The following RANBP2 variants were observed in gnomAD, a reference collection of about 807,000 sequenced individuals.
RANBP2 encodes RAN binding protein 2.
In RANBP2, 57 loss-of-function variants were observed where a neutral mutation model predicts 303.6. That is an observed-to-expected ratio of 0.19 (90% CI 0.15 to 0.23). The LOEUF (loss-of-function observed/expected upper bound fraction) is 0.23, where lower values mean the gene tolerates loss of function less well. RANBP2 is among the 10% of genes least tolerant of loss of function. RANBP2 has a pLI of 1.00. For missense variants in RANBP2, 3,138 were observed against 3,780.8 expected (o/e 0.83, Z 4.46); for synonymous variants, 1,167 against 1,301.5 (o/e 0.90, Z 2.23).
the RANBP2 span, among the ~76,000 whole-genome samples, chr2:108,793,547 TC>T: frequency 6.6e-6 from 1 of 152,144 alleles, no homozygotes; most frequent in Non-Finnish European, 1.5e-5. Context: ...TACCCTATGA[TC>T]TAGCAATTTT....
At chr2:109,287,086 A>T in the RANBP2 span, among the ~76,000 whole-genome samples, 1 of 152,274 alleles carries the variant, frequency 6.6e-6, no homozygotes, top group East Asian at 1.9e-4. Flanking sequence ...TGTTTCTGTG[A>T]TCTCATCTGT....
At chr2:109,681,250 A>G in the RANBP2 span, among the ~76,000 whole-genome samples, 2 of 152,244 alleles carry the variant, frequency 1.3e-5, no homozygotes, top group Non-Finnish European at 2.9e-5. Flanking sequence ...TTAGGACTCC[A>G]GAGGAGGGTT....
At chr2:108,915,661 A>T in the RANBP2 span, among the ~76,000 whole-genome samples, 1 of 152,292 alleles carries the variant, frequency 6.6e-6, no homozygotes, top group East Asian at 1.9e-4. Flanking sequence ...GCACTTTGGG[A>T]GGCCGAGGCG....
At chr2:108,932,088 A>G in the RANBP2 span, among the ~76,000 whole-genome samples, 1 of 152,176 alleles carries the variant, frequency 6.6e-6, no homozygotes, top group Non-Finnish European at 1.5e-5. Flanking sequence ...AATTCCCAAT[A>G]CCACACACAA....
chr2:109,059,026 G>A, the RANBP2 span, among the ~76,000 whole-genome samples: 3 of 152,186 alleles, frequency 2.0e-5, no homozygotes, highest in African/African-American at 4.8e-5. Context: ...TGGCCATGGA[G>A]AGAAGATCGA....
the RANBP2 span, among the ~76,000 whole-genome samples, chr2:109,219,939 A>G: frequency 1.3e-5 from 2 of 152,242 alleles, no homozygotes; most frequent in African/African-American, 4.8e-5. Flanking sequence ...TAAAATTTAT[A>G]TGGAATCTCA....
At chr2:109,002,294 A>C in the RANBP2 span, among the ~76,000 whole-genome samples, 1 of 152,136 alleles carries the variant, frequency 6.6e-6, no homozygotes, top group African/African-American at 2.4e-5. Context: ...TGGGTTCCTT[A>C]CGCTTGTGAG....
the RANBP2 span, chr2:108,791,440 G>A: frequency 1.8e-5 from 9 of 499,994 alleles, no homozygotes; most frequent in African/African-American, 1.6e-4. Context: ...GTAGGTATAT[G>A]TCATTTTAAA....
At chr2:109,533,615 C>T in the RANBP2 span, among the ~76,000 whole-genome samples, 1 of 152,100 alleles carries the variant, frequency 6.6e-6, no homozygotes, top group Admixed American at 6.5e-5. Flanking sequence ...CAACTTTTAA[C>T]AGAATAAACT....
chr2:109,301,302 A>C, the RANBP2 span, among the ~76,000 whole-genome samples: 1 of 142,312 alleles, frequency 7.0e-6, no homozygotes, highest in Non-Finnish European at 1.5e-5. Flanking sequence ...CTGTGTGTGT[A>C]TGTGGTGGGG....
the RANBP2 span, among the ~76,000 whole-genome samples, chr2:109,454,425 G>A: frequency 6.6e-6 from 1 of 152,172 alleles, no homozygotes; most frequent in South Asian, 2.1e-4. Flanking sequence ...CCTCAGGAAG[G>A]CTTGAGCACA....
Position 108,783,997 on chromosome 2 carries a change from G to T in RANBP2, c.*96G>T, listed in dbSNP as rs1021873665. 1.7e-6 allele frequency: 2 copies of T among 1,194,612 alleles called. No homozygotes were observed. Among genetic ancestry groups the T allele is most frequent in the Non-Finnish European group, 1.2e-6 (1 of 846,952 alleles). 74.0% of individuals were successfully genotyped at this position (1,194,612 alleles called of 1,614,324 possible). On this transcript the variant is annotated 3_prime_UTR_variant, in exon 29 of 29. Transcript: ENST00000283195. ...TAGTTATGTTCAGCTTTTGAAAATG[G>T]ACGTTTCCGATTTACAAATGTAAAA...
chr2:108,731,928 T>C (rs1695198197), intron 4 of RANBP2: 1 of 174,452 alleles, frequency 5.7e-6, no homozygotes, highest in South Asian at 1.3e-4. Context: ...GTTTCTCTAG[T>C]ATATAAGACG....
chr2:109,140,217 T>TGCATGTGGTTGAC, the RANBP2 span, among the ~76,000 whole-genome samples: 1 of 152,218 alleles, frequency 6.6e-6, no homozygotes, highest in African/African-American at 2.4e-5. Flanking sequence ...TGCACGTGGT[T>TGCATGTGGTTGAC]GCATGTGGTT....
At chr2:109,028,854 G>T in the RANBP2 span, among the ~76,000 whole-genome samples, 11 of 152,284 alleles carry the variant, frequency 7.2e-5, no homozygotes, top group Middle Eastern at 3.4e-3. Flanking sequence ...GATCTGTGTG[G>T]CTGTCAGGGA....
the RANBP2 span, among the ~76,000 whole-genome samples, chr2:108,913,107 C>A: frequency 6.6e-6 from 1 of 152,028 alleles, no homozygotes; most frequent in Admixed American, 6.5e-5. Context: ...CACCACCACA[C>A]CTGGCTAATT....
At chr2:109,003,845 G>A in the RANBP2 span, among the ~76,000 whole-genome samples, 1 of 152,168 alleles carries the variant, frequency 6.6e-6, no homozygotes, top group Admixed American at 6.5e-5. Context: ...CAGGGTGTGA[G>A]ATATTATATG....
chr2:109,603,286 G>C, the RANBP2 span, among the ~76,000 whole-genome samples: 25 of 151,766 alleles, frequency 1.6e-4, no homozygotes, highest in African/African-American at 6.0e-4. Flanking sequence ...CCAGGCTGGA[G>C]TGCAGTGGCG....
chr2:109,688,715 G>T, the RANBP2 span, among the ~76,000 whole-genome samples: 8 of 144,616 alleles, frequency 5.5e-5, no homozygotes, highest in East Asian at 1.1e-3. Flanking sequence ...GCAGGCGGAG[G>T]TTGCAGTGAG....
Sources: allele counts gnomAD v4.1 joint callset (sites outside exome capture counted in the v4.1 genomes callset), GRCh38; gene constraint gnomAD v4.1.1; transcripts MANE v1.5; gene names NCBI Gene and HGNC (gene_info 2026-07-23, HGNC 2026-07-21).